Variants in ZBTB20 observed in about 807,000 individuals in gnomAD.
The protein encoded by ZBTB20 is zinc finger and BTB domain-containing protein 20.
In ZBTB20, 9 loss-of-function variants were observed where a neutral mutation model predicts 56.9. The ratio of observed to expected loss-of-function variants is 0.16; its 90% CI spans 0.10 to 0.28. The LOEUF (loss-of-function observed/expected upper bound fraction) is 0.28, where lower values mean the gene tolerates loss of function less well. Ranked by LOEUF, ZBTB20 falls within the 10% of genes least tolerant of loss-of-function variation. ZBTB20 has a pLI of 1.00. For missense variants in ZBTB20, 655 were observed against 1,003.0 expected (o/e 0.65, Z 4.69); for synonymous variants, 417 against 420.7 (o/e 0.99, Z 0.11).
At chr3:114,878,391 C>T (rs2076274123) in intron 4 of ZBTB20, among the ~76,000 whole-genome samples, 1 of 151,910 alleles carries the variant, frequency 6.6e-6, no homozygotes, top group South Asian at 2.1e-4. Flanking sequence ...TCATATGAAC[C>T]AGCTCTTCAA....
chr3:114,988,984 G>C (rs1688630746), intron 2 of ZBTB20, among the ~76,000 whole-genome samples: 1 of 151,794 alleles, frequency 6.6e-6, no homozygotes, highest in African/African-American at 2.4e-5. Flanking sequence ...TGAGTTCTTT[G>C]TAGATTCTGG....
intron 3 of ZBTB20, among the ~76,000 whole-genome samples, chr3:114,929,429 A>G (rs1350574555): frequency 6.6e-6 from 1 of 152,236 alleles, no homozygotes; most frequent in Non-Finnish European, 1.5e-5. Flanking sequence ...GGAAGTGAGT[A>G]TTCTGCTGTG....
intron 3 of ZBTB20, among the ~76,000 whole-genome samples, chr3:114,906,551 G>A (rs2075324132): frequency 6.7e-6 from 1 of 150,314 alleles, no homozygotes; most frequent in Non-Finnish European, 1.5e-5. Context: ...TAAAATGAGG[G>A]GGATTTTATA....
Position 114,380,318 on chromosome 3 carries a change from A to G in ZBTB20, c.98T>C (p.Leu33Pro), listed in dbSNP as rs1477912274. The G allele has an allele frequency of 1.3e-6, 2 of 1,537,196 alleles. No homozygotes were observed. Among genetic ancestry groups the G allele is most frequent in the Admixed American group, 2.0e-5 (1 of 51,002 alleles). The stretch of plus-strand genomic sequence containing the variant: ...AACAGCTTCAAAGTTCAGGCAGGGA[A>G]GGCCCGGCTTGGCGCTGGATCCACC... The part of the protein sequence containing the change: ...QPGGSSAKPG[L>P]PCLNFEAVLS... Residue 33 changes from leucine (L) to proline (P), a missense_variant, in exon 10 of 12, where the codon CTT (leucine) becomes CCT (proline). Leu to Pro is a moderately conservative substitution (Grantham distance 98, BLOSUM62 -3). Coordinates refer to ENST00000675478, the MANE Select transcript of ZBTB20 (RefSeq NM_001348800.3).
At chr3:114,514,086 T>G in intron 6 of ZBTB20, among the ~76,000 whole-genome samples, 1 of 152,160 alleles carries the variant, frequency 6.6e-6, no homozygotes. Flanking sequence ...ATGGTATGTC[T>G]GGTCATATTA....
At chr3:115,108,516 C>G (rs565703014) in intron 1 of ZBTB20, among the ~76,000 whole-genome samples, 2 of 152,152 alleles carry the variant, frequency 1.3e-5, no homozygotes, top group Admixed American at 1.3e-4. Context: ...TAAAGTAATG[C>G]CTAATAATAA....
intron 4 of ZBTB20, among the ~76,000 whole-genome samples, chr3:114,881,435 C>T (rs1174767801): frequency 6.6e-6 from 1 of 151,924 alleles, no homozygotes; most frequent in Admixed American, 6.6e-5. Context: ...TAGGGTCTTA[C>T]TGATAAGTAA....
At chr3:114,785,013 T>A (rs971297731) in intron 5 of ZBTB20, among the ~76,000 whole-genome samples, 2 of 152,170 alleles carry the variant, frequency 1.3e-5, no homozygotes, top group African/African-American at 4.8e-5. Flanking sequence ...TTGCTCTAGA[T>A]CACCAGGGTA....
intron 3 of ZBTB20, among the ~76,000 whole-genome samples, chr3:114,958,439 G>A (rs2077323777): frequency 1.3e-5 from 2 of 152,130 alleles, no homozygotes; most frequent in Non-Finnish European, 2.9e-5. Context: ...ACTTCCTACT[G>A]GAGCACAAAA....
At chr3:114,570,240 T>G (rs1034573203) in intron 6 of ZBTB20, among the ~76,000 whole-genome samples, 1 of 151,880 alleles carries the variant, frequency 6.6e-6, no homozygotes, top group Non-Finnish European at 1.5e-5. Context: ...ATTTTTTTTT[T>G]AAGTTTTTGT....
intron 5 of ZBTB20, among the ~76,000 whole-genome samples, chr3:114,761,724 C>T (rs1223911493): frequency 6.6e-6 from 1 of 151,614 alleles, no homozygotes; most frequent in East Asian, 1.9e-4. Flanking sequence ...ATCCCATCTA[C>T]TTGGGGGGCT....
chr3:114,708,244 A>C (rs1315130845), intron 5 of ZBTB20, among the ~76,000 whole-genome samples: 3 of 152,202 alleles, frequency 2.0e-5, no homozygotes, highest in Non-Finnish European at 2.9e-5. Context: ...GGTAAGAGTT[A>C]AATTAAGTCT....
chr3:114,532,885 TGCA>T (rs2048023428), intron 6 of ZBTB20, among the ~76,000 whole-genome samples: 1 of 152,124 alleles, frequency 6.6e-6, no homozygotes, highest in Admixed American at 6.5e-5. Context: ...CCAGCAGACC[TGCA>T]GCAGAGATGC....
intron 7 of ZBTB20, among the ~76,000 whole-genome samples, chr3:114,488,534 T>A (rs1398859833): frequency 6.6e-6 from 1 of 152,238 alleles, no homozygotes; most frequent in Non-Finnish European, 1.5e-5. Flanking sequence ...ATGCATCTCA[T>A]ACCTCCAGTA....
intron 5 of ZBTB20, among the ~76,000 whole-genome samples, chr3:114,797,469 T>C (rs945485634): frequency 6.6e-6 from 1 of 151,950 alleles, no homozygotes; most frequent in Admixed American, 6.6e-5. Context: ...ACATTATTCC[T>C]TCATGGCCTA....
At chr3:114,496,323 T>C (rs2043277525) in intron 7 of ZBTB20, among the ~76,000 whole-genome samples, 1 of 152,152 alleles carries the variant, frequency 6.6e-6, no homozygotes, top group Admixed American at 6.6e-5. Context: ...TGCCCAGTGT[T>C]GCATGTTCCC....
rs1469376808 is a variant in ZBTB20, at chr3:114,351,258, G to A, written c.820C>T (p.Leu274Phe). ...GAVVSHHETA[L>F]GLPRDHHMED... ...ATGTGGTGGTCGCGGGGCAGGCCGA[G>A]CGCAGTCTCGTGGTGGCTGACCACT... The change falls in exon 11 of 12, where the codon CTC becomes TTC. Residue 274 changes from leucine (L) to phenylalanine (F), a missense_variant. By Grantham distance (22) the Leu-to-Phe change is conservative. Coordinates refer to ENST00000675478, the MANE Select transcript of ZBTB20 (RefSeq NM_001348800.3). 1 of 1,601,144 alleles carries A rather than the reference G, an allele frequency of 6.2e-7. No individual in the cohort carries two copies. Among genetic ancestry groups the A allele is most frequent in the Admixed American group, 1.7e-5 (1 of 59,920 alleles).
At chr3:114,478,219 G>A (rs1419456994) in intron 7 of ZBTB20, among the ~76,000 whole-genome samples, 1 of 152,106 alleles carries the variant, frequency 6.6e-6, no homozygotes, top group Non-Finnish European at 1.5e-5. Flanking sequence ...GCCTGCCTCG[G>A]CCTCCCAAAG....
chr3:114,443,104 G>T (rs1472314041), intron 7 of ZBTB20, among the ~76,000 whole-genome samples: 2 of 152,088 alleles, frequency 1.3e-5, no homozygotes, highest in Non-Finnish European at 2.9e-5. Context: ...AGATCTCACT[G>T]TCTCATTTTC....
Sources: gnomAD v4.1 joint callset for allele counts (sites outside exome capture counted in the v4.1 genomes callset) on GRCh38, gnomAD v4.1.1 for gene constraint, MANE v1.5 for transcripts, NCBI Gene and HGNC (gene_info 2026-07-23, HGNC 2026-07-21) for gene names.